The following SPATA16 variants were observed in gnomAD, a reference collection of about 807,000 sequenced individuals.
SPATA16 encodes spermatogenesis associated 16, also known as spermatogenesis-associated protein 16.
Under a neutral mutation model 63.3 loss-of-function variants are expected in SPATA16, and 36 were observed. The ratio of observed to expected loss-of-function variants is 0.57; its 90% CI spans 0.44 to 0.75. SPATA16 has a LOEUF of 0.75. SPATA16 is among the 30% of genes least tolerant of loss of function. The pLI is 0.00. For missense variants in SPATA16, 646 were observed against 679.3 expected (o/e 0.95, Z 0.54); for synonymous variants, 203 against 216.7 (o/e 0.94, Z 0.56).
At chr3:173,060,244 C>T (rs930124432) in intron 2 of SPATA16, among the ~76,000 whole-genome samples, 8 of 151,990 alleles carry the variant, frequency 5.3e-5, no homozygotes, top group East Asian at 1.9e-4. Flanking sequence ...GTGACAACAG[C>T]GAAACTCCAT....
intron 1 of SPATA16, among the ~76,000 whole-genome samples, chr3:173,126,106 C>A (rs988788654): frequency 6.6e-6 from 1 of 150,438 alleles, no homozygotes; most frequent in Non-Finnish European, 1.5e-5. Context: ...GATGTGCCTA[C>A]CCCGGTCTTT....
intron 3 of SPATA16, among the ~76,000 whole-genome samples, chr3:173,044,589 A>G (rs989758179): frequency 1.3e-5 from 2 of 152,102 alleles, no homozygotes; most frequent in African/African-American, 2.4e-5. Context: ...TCGAAGATCT[A>G]TATCTGGTTC....
intron 4 of SPATA16, among the ~76,000 whole-genome samples, chr3:173,008,567 C>T (rs1734993677): frequency 6.6e-6 from 1 of 152,074 alleles, no homozygotes; most frequent in Admixed American, 6.5e-5. Context: ...TACATTTGAT[C>T]ACTCTGCAAA....
At chr3:172,906,487 G>A (rs1463876948) in intron 10 of SPATA16, among the ~76,000 whole-genome samples, 1 of 152,168 alleles carries the variant, frequency 6.6e-6, no homozygotes, top group Non-Finnish European at 1.5e-5. Context: ...TTTGAGAACT[G>A]AAGACAAACT....
At chr3:173,062,082 A>T (rs1169225988) in intron 2 of SPATA16, among the ~76,000 whole-genome samples, 1 of 147,798 alleles carries the variant, frequency 6.8e-6, no homozygotes, top group Non-Finnish European at 1.5e-5. Context: ...GGTAGCCTTA[A>T]AATAGAGGTG....
chr3:173,119,606 G>A (rs1738001924), intron 1 of SPATA16, among the ~76,000 whole-genome samples: 1 of 152,174 alleles, frequency 6.6e-6, no homozygotes, highest in African/African-American at 2.4e-5. Context: ...TTTCCCCAAT[G>A]ATTGATAATG....
At chr3:173,086,384 C>G (rs982872298) in intron 2 of SPATA16, among the ~76,000 whole-genome samples, 1 of 152,020 alleles carries the variant, frequency 6.6e-6, no homozygotes, top group Non-Finnish European at 1.5e-5. Context: ...GTGGTGATAT[C>G]CCTTTTATGG....
At chr3:172,977,827 C>T (rs573903203) in intron 4 of SPATA16, among the ~76,000 whole-genome samples, 1 of 152,190 alleles carries the variant, frequency 6.6e-6, no homozygotes, top group East Asian at 1.9e-4. Flanking sequence ...ATATAATAAT[C>T]CTGTGTACCT....
At chr3:172,967,333 G>T (rs575067595) in intron 5 of SPATA16, among the ~76,000 whole-genome samples, 2 of 152,052 alleles carry the variant, frequency 1.3e-5, no homozygotes, top group East Asian at 3.8e-4. Flanking sequence ...GGCTTCTGCC[G>T]TCACCTACTA....
chr3:172,982,139 A>G (rs893943986), intron 4 of SPATA16, among the ~76,000 whole-genome samples: 6 of 152,204 alleles, frequency 3.9e-5, no homozygotes, highest in African/African-American at 1.4e-4. Context: ...ATATAAATTC[A>G]AAAAAATAAA....
chr3:173,002,173 C>G (rs1734842822), intron 4 of SPATA16, among the ~76,000 whole-genome samples: 1 of 151,938 alleles, frequency 6.6e-6, no homozygotes, highest in African/African-American at 2.4e-5. Flanking sequence ...GTTTTTTATG[C>G]TTGGTTCCTG....
chr3:172,987,561 A>G (rs1359249321), intron 4 of SPATA16, among the ~76,000 whole-genome samples: 1 of 152,228 alleles, frequency 6.6e-6, no homozygotes, highest in Non-Finnish European at 1.5e-5. Flanking sequence ...AATTTTATTT[A>G]ACGTTTTGTG....
At chr3:172,913,938 C>T (rs1221093953) in intron 9 of SPATA16, among the ~76,000 whole-genome samples, 194 bp from the exon 10 acceptor site, 1 of 152,044 alleles carries the variant, frequency 6.6e-6, no homozygotes, top group Admixed American at 6.5e-5. Context: ...AATACTGAAA[C>T]AATGAAAAGA....
chr3:172,942,041 A>AG (rs1733160957), intron 6 of SPATA16, among the ~76,000 whole-genome samples: 1 of 152,094 alleles, frequency 6.6e-6, no homozygotes, highest in South Asian at 2.1e-4. Flanking sequence ...GCAGGTTAGG[A>AG]GGGGGGAAAA....
At chr3:173,101,699 C>T (rs1454010651) in intron 2 of SPATA16, among the ~76,000 whole-genome samples, 2 of 152,144 alleles carry the variant, frequency 1.3e-5, no homozygotes, top group African/African-American at 4.8e-5. Context: ...CTCCTCAACT[C>T]CCCTCTAGCT....
At position 172,929,703 on chromosome 3, in the gene SPATA16, A is replaced by C. The variant is rs537091405; in HGVS notation, c.1082-4211T>G. On this transcript the variant is annotated intron_variant, in intron 6 of 10. Transcript: ENST00000351008. ...AATATCTCTAGTCTTGTCTGTGGCT[A>C]CTATTTTTAACCAAAAAATTGGACA... Among the ~76,000 whole-genome samples, 7 of 152,260 alleles carry C rather than the reference A, an allele frequency of 4.6e-5. No individual in the cohort carries two copies. In the East Asian group the frequency reaches 1.4e-3, roughly 29 times the overall value.
intron 1 of SPATA16, among the ~76,000 whole-genome samples, chr3:173,122,360 A>AGTG (rs1738099116): frequency 1.3e-5 from 2 of 152,164 alleles, no homozygotes; most frequent in Admixed American, 6.5e-5. Flanking sequence ...AGATTCAATC[A>AGTG]GTGGTTTACA....
chr3:173,049,164 CAT>C (rs1002732249), intron 2 of SPATA16, 70 bp from the exon 3 acceptor site: 103 of 1,495,346 alleles, frequency 6.9e-5, no homozygotes, highest in Admixed American at 2.8e-4. Context: ...ATAAGCAAAA[CAT>C]GTGTATGTTT....
At chr3:172,961,131 T>TTCCTTC (rs1733774324) in intron 5 of SPATA16, among the ~76,000 whole-genome samples, 6 of 150,302 alleles carry the variant, frequency 4.0e-5, no homozygotes, top group African/African-American at 7.3e-5. Context: ...CCTTCCTTTC[T>TTCCTTC]CTTTCTTGTG....
Sources: allele counts gnomAD v4.1 joint callset (sites outside exome capture counted in the v4.1 genomes callset), GRCh38; gene constraint gnomAD v4.1.1; transcripts MANE v1.5; gene names NCBI Gene and HGNC (gene_info 2026-07-23, HGNC 2026-07-21).